METTL4: variants seen among roughly 807,000 people sequenced by gnomAD.
METTL4 encodes the protein N(6)-adenine-specific methyltransferase METTL4.
Under a neutral mutation model 54.0 loss-of-function variants are expected in METTL4, and 40 were observed. The observed-to-expected ratio is 0.74, with a 90% CI of 0.58 to 0.96. The LOEUF is 0.96. METTL4 is among the 50% of genes least tolerant of loss of function. The probability of loss-of-function intolerance (pLI) is 0.00; values close to 1 mark genes in which losing one functional copy is unlikely to be tolerated. For synonymous variants in METTL4, 169 were observed against 183.8 expected (o/e 0.92, Z 0.65); for missense variants, 525 against 549.0 (o/e 0.96, Z 0.44).
At chr18:2,550,986 A>C (rs559636328) in intron 5 of METTL4, among the ~76,000 whole-genome samples, 13 of 151,658 alleles carry the variant, frequency 8.6e-5, no homozygotes, top group Non-Finnish European at 1.9e-4. Context: ...AACATGGTGA[A>C]ACCCCGTCTC....
rs188778885 is a variant in METTL4, at chr18:2,560,600, G to A, written c.459+3197C>T. Among the ~76,000 whole-genome samples the A allele has an allele frequency of 2.3e-3, 343 of 152,258 alleles. 3 individuals are homozygous for A. The highest frequency in any genetic ancestry group is 7.7e-3 in the African/African-American group (321 of 41,536). On this transcript the variant is annotated intron_variant, in intron 3 of 8. Coordinates refer to ENST00000574538, the MANE Select transcript of METTL4 (RefSeq NM_022840.5). ...TAGCAAATAAAATCCAGTAGAGGCCGGGCGCAGTGGCTCACGCCTATAATT... is the reference window on the plus strand; with the variant it reads ...TAGCAAATAAAATCCAGTAGAGGCCAGGCGCAGTGGCTCACGCCTATAATT...
intron 5 of METTL4, among the ~76,000 whole-genome samples, 159 bp downstream of exon 5, chr18:2,552,536 G>C (rs74559233): frequency 7.0e-4 from 107 of 152,248 alleles, no homozygotes; most frequent in African/African-American, 2.5e-3. Flanking sequence ...CAGTTCAAGA[G>C]AATTAACTAG....
At chr18:2,550,448 C>T (rs1173803320) in intron 5 of METTL4, among the ~76,000 whole-genome samples, 1 of 152,100 alleles carries the variant, frequency 6.6e-6, no homozygotes, top group Non-Finnish European at 1.5e-5. Context: ...TTTGATAGCT[C>T]TTCAAAAATT....
chr18:2,549,350 T>A (rs2143506567), intron 5 of METTL4, among the ~76,000 whole-genome samples: 1 of 152,254 alleles, frequency 6.6e-6, no homozygotes, highest in South Asian at 2.1e-4. Context: ...CTATCTCATT[T>A]GAAAAGAAGA....
rs531858682 is a variant in METTL4, at chr18:2,543,887, T to C, written c.1273+308A>G. On this transcript the variant is annotated intron_variant, in intron 8 of 8. Transcript: ENST00000574538. Reference sequence around the variant, plus strand: ...AGCCCCGGTAGTAAAATAAAGGGTCTAGCTGAACTGCATCCTCAGATGCCC... The same window carrying C: ...AGCCCCGGTAGTAAAATAAAGGGTCCAGCTGAACTGCATCCTCAGATGCCC... 5.3e-5 allele frequency among the ~76,000 whole-genome samples: 8 copies of C among 152,322 alleles called. 1 individual carries two copies. In the East Asian group the frequency reaches 1.5e-3, roughly 29 times the overall value.
intron 6 of METTL4, 49 bp downstream of exon 6, chr18:2,547,306 G>A (rs369696852): frequency 6.3e-6 from 9 of 1,436,230 alleles, no homozygotes; most frequent in Non-Finnish European, 8.4e-6. Context: ...CTACCTTTAT[G>A]TGACTTCTAT....
In METTL4 at chr18:2,537,706, A is replaced by T. The variant is rs1470908804; in HGVS notation, c.*1294T>A. On this transcript the variant is annotated 3_prime_UTR_variant, in exon 9 of 9. Transcript: ENST00000574538. ...ATCAGTAAATTGGCAAGCTTGTCAA[A>T]GAATCATTTCAGTCTAACATTTTAC... The T allele has an allele frequency of 5.1e-6, 2 of 395,686 alleles. No individual in the cohort carries two copies. Among genetic ancestry groups the T allele is most frequent in the African/African-American group, 4.1e-5 (2 of 48,584 alleles). 24.5% of individuals were successfully genotyped at this position (395,686 alleles called of 1,614,324 possible). A position where few individuals can be genotyped will look rare whatever the true frequency, so the allele number is the denominator to read the frequency against.
intron 8 of METTL4, among the ~76,000 whole-genome samples, chr18:2,542,779 G>A (rs1380347063): frequency 1.3e-5 from 2 of 152,100 alleles, no homozygotes; most frequent in Non-Finnish European, 2.9e-5. Flanking sequence ...CTTAGTCAAA[G>A]AATGGATTAT....
At chr18:2,539,772 G>T in intron 8 of METTL4, 1 of 937,464 alleles carries the variant, frequency 1.1e-6, no homozygotes, top group Non-Finnish European at 1.3e-6. Flanking sequence ...AGGAGCCACC[G>T]CACCCAGCCA....
intron 6 of METTL4, among the ~76,000 whole-genome samples, chr18:2,545,761 T>C (rs904891853): frequency 1.3e-5 from 2 of 152,110 alleles, no homozygotes; most frequent in Non-Finnish European, 2.9e-5. Context: ...CAAAAAGTGC[T>C]GTATAAATAC....
At chr18:2,551,486 G>A (rs1413586483) in intron 5 of METTL4, among the ~76,000 whole-genome samples, 1 of 152,030 alleles carries the variant, frequency 6.6e-6, no homozygotes, top group African/African-American at 2.4e-5. Context: ...AGGATCGCTT[G>A]AGACTAGGGG....
chr18:2,563,769 A>G (rs2072358878), intron 3 of METTL4, 28 bp downstream of exon 3: 1 of 1,519,048 alleles, frequency 6.6e-7, no homozygotes, highest in East Asian at 2.3e-5. Context: ...TAATCTTCCA[A>G]TGTGATCAAT....
intron 5 of METTL4, among the ~76,000 whole-genome samples, chr18:2,552,363 T>C (rs2072175107): frequency 6.6e-6 from 1 of 152,192 alleles, no homozygotes; most frequent in African/African-American, 2.4e-5. Context: ...TAACACTTTA[T>C]TAAGGAAAAC....
At chr18:2,543,867 C>G (rs1186807639) in intron 8 of METTL4, among the ~76,000 whole-genome samples, 1 of 152,146 alleles carries the variant, frequency 6.6e-6, no homozygotes, top group East Asian at 1.9e-4. Flanking sequence ...GATACAGCCC[C>G]GGTAGTAAAA....
Position 2,551,627 on chromosome 18 carries a change from T to C in METTL4, c.899+1068A>G, listed in dbSNP as rs9966487. On this transcript the variant is annotated intron_variant, in intron 5 of 8. Coordinates refer to ENST00000574538, the MANE Select transcript of METTL4 (RefSeq NM_022840.5). ...CAGCAGGCACATCTGAACCAGAAGT[T>C]TGAGGCTGCAGTGAGCTGTGATTGC... is the stretch of plus-strand genomic sequence containing the variant. Among the ~76,000 whole-genome samples, 1,417 of 151,892 alleles carry C rather than the reference T, an allele frequency of 9.3e-3. 27 individuals are homozygous for C. Among genetic ancestry groups the C allele is most frequent in the African/African-American group, 0.032 (1,336 of 41,416 alleles).
chr18:2,544,562 TA>T, intron 7 of METTL4, 90 bp downstream of exon 7: 1 of 871,728 alleles, frequency 1.1e-6, no homozygotes, highest in Non-Finnish European at 1.8e-6. Context: ...TTCAAAAACA[TA>T]AACATTTTAA....
chr18:2,561,292 T>C (rs967109613), intron 3 of METTL4: 1 of 152,192 alleles, frequency 6.6e-6, no homozygotes, highest in Non-Finnish European at 1.5e-5. Flanking sequence ...GTAAAATTAC[T>C]ACTATTTGAA....
At chr18:2,565,278 C>CA (rs1388205365) in intron 2 of METTL4, among the ~76,000 whole-genome samples, 103 of 142,980 alleles carry the variant, frequency 7.2e-4, no homozygotes, top group Middle Eastern at 3.6e-3. Context: ...GACTCCGTCT[C>CA]AAAAAAAAAA....
chr18:2,562,199 C>T (rs1403066923), intron 3 of METTL4: 1 of 152,398 alleles, frequency 6.6e-6, no homozygotes, highest in Non-Finnish European at 1.5e-5. Flanking sequence ...TAGTTAAGAC[C>T]TTATCTCTAC....
Sources: gnomAD v4.1 joint callset for allele counts (sites outside exome capture counted in the v4.1 genomes callset) on GRCh38, gnomAD v4.1.1 for gene constraint, MANE v1.5 for transcripts, NCBI Gene and HGNC (gene_info 2026-07-23, HGNC 2026-07-21) for gene names.